Variants in MALT1 observed in about 807,000 individuals in gnomAD.
The protein encoded by MALT1 is mucosa-associated lymphoid tissue lymphoma translocation protein 1.
MALT1 carries 36 observed loss-of-function variants against 85.5 expected under a neutral mutation model. That is an observed-to-expected ratio of 0.42 (90% CI 0.32 to 0.56). The LOEUF (loss-of-function observed/expected upper bound fraction) is 0.56. Among genes scored for constraint, MALT1 ranks in the 20% least tolerant of loss-of-function variants. MALT1 has a pLI of 0.10. For missense variants in MALT1, 716 were observed against 981.6 expected, an observed-to-expected ratio of 0.73 and a Z score of 3.62; for synonymous variants, 359 against 361.3, an observed-to-expected ratio of 0.99 and a Z score of 0.07.
chr18:58,730,569 GATTA>G (rs2055134661), intron 10 of MALT1, among the ~76,000 whole-genome samples: 1 of 152,170 alleles, frequency 6.6e-6, no homozygotes, highest in African/African-American at 2.4e-5. Flanking sequence ...TTTTGGACAT[GATTA>G]ATAATACTGC....
intron 7 of MALT1, among the ~76,000 whole-genome samples, chr18:58,712,787 C>T (rs970271251): frequency 1.3e-5 from 2 of 151,994 alleles, no homozygotes; most frequent in Admixed American, 6.6e-5. Context: ...ATATGTATCC[C>T]ATAAATATGT....
At chr18:58,695,565 C>A (rs564440995) in intron 2 of MALT1, among the ~76,000 whole-genome samples, 2 of 152,146 alleles carry the variant, frequency 1.3e-5, no homozygotes, top group Admixed American at 6.5e-5. Flanking sequence ...CATTTGAAGA[C>A]GTTTTCAATG....
chr18:58,677,806 A>G (rs1341594160), intron 1 of MALT1, among the ~76,000 whole-genome samples: 3 of 152,204 alleles, frequency 2.0e-5, no homozygotes, highest in African/African-American at 7.2e-5. Flanking sequence ...CAAGAATGGC[A>G]TATTGAATAT....
intron 10 of MALT1, among the ~76,000 whole-genome samples, chr18:58,732,686 G>C: frequency 6.6e-6 from 1 of 151,052 alleles, no homozygotes; most frequent in East Asian, 2.0e-4. Flanking sequence ...ATAAATAAAT[G>C]TAAGACTATC....
intron 4 of MALT1, among the ~76,000 whole-genome samples, chr18:58,700,938 A>C (rs996151855): frequency 5.9e-5 from 9 of 151,906 alleles, no homozygotes; most frequent in Non-Finnish European, 8.8e-5. Flanking sequence ...GATTACAGGC[A>C]CATGCTATCA....
intron 4 of MALT1, among the ~76,000 whole-genome samples, chr18:58,704,346 C>G (rs1377489033): frequency 6.6e-6 from 1 of 152,198 alleles, no homozygotes; most frequent in Non-Finnish European, 1.5e-5. Context: ...TGGTTGTTAG[C>G]TCTTATTGAT....
intron 9 of MALT1, among the ~76,000 whole-genome samples, chr18:58,720,504 A>C (rs2054968652): frequency 6.6e-6 from 1 of 152,228 alleles, no homozygotes; most frequent in Non-Finnish European, 1.5e-5. Context: ...AGCTATTAAA[A>C]ATTATCATTG....
rs536091492 is a variant in MALT1, at chr18:58,705,322, G to GTA, written c.650-4054_650-4053dup. 1.9e-3 allele frequency among the ~76,000 whole-genome samples: 284 copies of GTA among 148,230 alleles called. 2 individuals are homozygous for GTA. Among genetic ancestry groups the GTA allele is most frequent in the African/African-American group, 3.1e-3 (123 of 40,156 alleles). On this transcript the variant is annotated intron_variant, in intron 4 of 16. Transcript: ENST00000649217. The stretch of plus-strand genomic sequence containing the variant: ...TGTGTGTGTGTGTGTGTGTGTGTGT[G>GTA]TATTTATTTTTATTATTATACTTTA...
intron 7 of MALT1, among the ~76,000 whole-genome samples, chr18:58,712,187 G>A (rs2054840180): frequency 6.6e-6 from 1 of 152,044 alleles, no homozygotes; most frequent in African/African-American, 2.4e-5. Flanking sequence ...ATCCAGTTAC[G>A]AAGTTTCTCC....
At chr18:58,695,909 C>T (rs147823736) in intron 2 of MALT1, among the ~76,000 whole-genome samples, 1 of 152,316 alleles carries the variant, frequency 6.6e-6, no homozygotes, top group African/African-American at 2.4e-5. Flanking sequence ...CAACTTAACA[C>T]GTCTGTTACT....
At chr18:58,686,219 G>A (rs1189716440) in intron 2 of MALT1, among the ~76,000 whole-genome samples, 1 of 152,136 alleles carries the variant, frequency 6.6e-6, no homozygotes, top group Non-Finnish European at 1.5e-5. Flanking sequence ...TAGCGACGAG[G>A]TTTCACCATG....
intron 2 of MALT1, among the ~76,000 whole-genome samples, chr18:58,683,595 A>G (rs897288745): frequency 1.3e-5 from 2 of 152,238 alleles, no homozygotes; most frequent in Admixed American, 6.5e-5. Context: ...ATTTGCCTGA[A>G]TTTTAAAAAT....
Position 58,754,230 on chromosome 18 carries a change from T to TA in MALT1, c.*6389dup, listed in dbSNP as rs537167753. The TA allele has an allele frequency of 3.9e-5, 6 of 152,232 alleles. No individual in the cohort carries two copies. Among genetic ancestry groups the TA allele is most frequent in the Non-Finnish European group, 7.3e-5 (5 of 68,050 alleles). 9.4% of individuals were successfully genotyped at this position (152,232 alleles called of 1,614,324 possible). A position where few individuals can be genotyped will look rare whatever the true frequency, so the allele number is the denominator to read the frequency against. On this transcript the variant is annotated 3_prime_UTR_variant, in exon 17 of 17. Coordinates refer to ENST00000649217, the MANE Select transcript of MALT1 (RefSeq NM_006785.4). ...TTGTCCACAGTACTGCTGCTGCTTA[T>TA]ACCGTAACGGGAAAAGTACACAACA...
intron 10 of MALT1, among the ~76,000 whole-genome samples, chr18:58,727,889 G>C (rs1468101916): frequency 6.6e-6 from 1 of 152,112 alleles, no homozygotes; most frequent in Non-Finnish European, 1.5e-5. Context: ...ATCTGTAAAA[G>C]AGGGATGTTA....
chr18:58,689,954 A>G (rs1568127686), intron 2 of MALT1, among the ~76,000 whole-genome samples: 2 of 152,168 alleles, frequency 1.3e-5, no homozygotes, highest in Non-Finnish European at 2.9e-5. Context: ...CGGAGGGGCC[A>G]AAGGAGCAGT....
chr18:58,700,665 A>G, intron 4 of MALT1, 74 bp downstream of exon 4: 2 of 1,310,236 alleles, frequency 1.5e-6, no homozygotes, highest in Non-Finnish European at 2.0e-6. Context: ...GTTTACTTTT[A>G]AACAATTTCA....
intron 3 of MALT1, chr18:58,697,233 A>G (rs994592898): frequency 2.0e-5 from 3 of 152,140 alleles, no homozygotes; most frequent in African/African-American, 7.2e-5. Context: ...CTTTCTTCCA[A>G]ACTTGATGTC....
At position 58,723,028 on chromosome 18, in the gene MALT1, CCT is replaced by C; in HGVS notation, c.1019-19_1019-18del. On this transcript the variant is annotated intron_variant, in intron 9 of 16. Transcript: ENST00000649217. ...ATCTTTATATCTTCTTTAAACACCC[CCT>C]TTCTTTTTTTTTCAAAGCGAAGGAC... is the stretch of plus-strand genomic sequence containing the variant. 6.3e-7 allele frequency: 1 copy of C among 1,584,704 alleles called. No homozygotes were observed. Among genetic ancestry groups the C allele is most frequent in the Non-Finnish European group, 8.7e-7 (1 of 1,155,314 alleles).
chr18:58,690,629 C>T lies in MALT1; in HGVS notation c.377-5737C>T, dbSNP rs75786398. Reference sequence around the variant, plus strand: ...CCCAAAATTCTGTTCACCCCGTTCACGACCCTGGGACCCTGGCTCGAAGCA... The same window carrying T: ...CCCAAAATTCTGTTCACCCCGTTCATGACCCTGGGACCCTGGCTCGAAGCA... On this transcript the variant is annotated intron_variant, in intron 2 of 16. Coordinates refer to ENST00000649217, the MANE Select transcript of MALT1 (RefSeq NM_006785.4). 1,160 of 161,368 alleles carry T rather than the reference C, an allele frequency of 7.2e-3. 20 individuals are homozygous for T. The highest frequency in any genetic ancestry group is 0.027 in the African/African-American group (1,121 of 41,634). The allele number at this position is 161,368 out of a possible 1,614,324, so 10.0% of individuals were successfully genotyped here.
Sources: gnomAD v4.1 joint callset for allele counts (sites outside exome capture counted in the v4.1 genomes callset) on GRCh38, gnomAD v4.1.1 for gene constraint, MANE v1.5 for transcripts, NCBI Gene and HGNC (gene_info 2026-07-23, HGNC 2026-07-21) for gene names.